The following GALNT18 variants were observed in gnomAD, a reference collection of about 807,000 sequenced individuals.
GALNT18 encodes polypeptide N-acetylgalactosaminyltransferase 18.
GALNT18 carries 44 observed loss-of-function variants against 69.5 expected under a neutral mutation model. The observed-to-expected ratio is 0.63, with a 90% CI of 0.50 to 0.81. The LOEUF is 0.81. Ranked by LOEUF, GALNT18 falls within the 40% of genes least tolerant of loss-of-function variation. The pLI, the probability that GALNT18 is intolerant of heterozygous loss-of-function variation, is 0.00. For synonymous variants in GALNT18, 364 were observed against 318.2 expected (o/e 1.14, Z -1.53); for missense variants, 715 against 810.0 (o/e 0.88, Z 1.42).
chr11:11,400,391 G>T (rs924640550), intron 3 of GALNT18, among the ~76,000 whole-genome samples: 1 of 152,202 alleles, frequency 6.6e-6, no homozygotes, highest in African/African-American at 2.4e-5. Flanking sequence ...TAGACAAAGT[G>T]TTCCTTCATA....
intron 6 of GALNT18, among the ~76,000 whole-genome samples, chr11:11,363,961 G>A (rs1183507033): frequency 1.3e-5 from 2 of 150,870 alleles, no homozygotes; most frequent in Non-Finnish European, 2.9e-5. Context: ...AAATTTACAA[G>A]TCAATAAGGA....
chr11:11,383,925 G>C lies in GALNT18; in HGVS notation c.596-4661C>G, dbSNP rs1386608808. Among the ~76,000 whole-genome samples, 5 of 152,000 alleles carry C rather than the reference G, an allele frequency of 3.3e-5. No individual in the cohort carries two copies. The highest frequency in any genetic ancestry group is 7.4e-5 in the Non-Finnish European group (5 of 68,026). ...CTTCTGCCATAATTGTAAGTTTCCT[G>C]AGGCCTCCGCAGCCATGTGGAACTG... On this transcript the variant is annotated intron_variant, in intron 3 of 10. Coordinates refer to ENST00000227756, the MANE Select transcript of GALNT18 (RefSeq NM_198516.3). The surrounding 1 kb of genome is among the most constrained non-coding windows in gnomAD (Gnocchi z 5.2).
rs936169388 is a variant in GALNT18 at position 11,444,544 on chromosome 11, G to A, written c.428+4200C>T. 9.2e-5 allele frequency among the ~76,000 whole-genome samples: 14 copies of A among 152,186 alleles called. No homozygotes were observed. The highest frequency in any genetic ancestry group is 2.1e-4 in the South Asian group (1 of 4,828). On this transcript the variant is annotated intron_variant, in intron 2 of 10. Transcript: ENST00000227756. This position sits in a 1 kb window ranked among gnomAD's most constrained non-coding sequence, Gnocchi z 4.4. ...ACGAGGCCTAGCAACTGGCTGGACC[G>A]ATGTTTTTCCTTCTAGTTGTGTCCT...
chr11:11,476,502 C>T (rs1487398615), intron 1 of GALNT18: 2 of 152,176 alleles, frequency 1.3e-5, no homozygotes, highest in Admixed American at 1.3e-4. Context: ...TTTCCTAGGA[C>T]TCTGGAGGTG....
chr11:11,568,811 T>C (rs933521388), intron 1 of GALNT18, among the ~76,000 whole-genome samples: 25 of 152,198 alleles, frequency 1.6e-4, no homozygotes, highest in African/African-American at 5.5e-4. Context: ...AAACCCAGCA[T>C]TGGTTTCCTT....
At chr11:11,578,206 GTGAGTCAGGAGA>G (rs1858973114) in intron 1 of GALNT18, among the ~76,000 whole-genome samples, 6 of 150,590 alleles carry the variant, frequency 4.0e-5, no homozygotes, top group Admixed American at 1.3e-4. Flanking sequence ...CAGGGAGGAG[GTGAGTCAGGAGA>G]ACCCCAGCAG....
intron 6 of GALNT18, among the ~76,000 whole-genome samples, chr11:11,362,966 T>C (rs1415940958): frequency 6.6e-6 from 1 of 152,208 alleles, no homozygotes; most frequent in African/African-American, 2.4e-5. Flanking sequence ...TTGAGTAGTA[T>C]GCAACCGTAA....
intron 1 of GALNT18, among the ~76,000 whole-genome samples, chr11:11,544,910 G>T (rs1858012159): frequency 6.6e-6 from 1 of 152,226 alleles, no homozygotes; most frequent in South Asian, 2.1e-4. Flanking sequence ...CACACGACTT[G>T]TAAGGGGCAC....
Position 11,444,455 on chromosome 11 carries a change from A to G in GALNT18, c.428+4289T>C, listed in dbSNP as rs1460204129. 6.6e-6 allele frequency among the ~76,000 whole-genome samples: 1 copy of G among 152,156 alleles called. No individual in the cohort carries two copies. The highest frequency in any genetic ancestry group is 1.5e-5 in the Non-Finnish European group (1 of 68,022). On this transcript the variant is annotated intron_variant, in intron 2 of 10. Transcript: ENST00000227756. This position sits in a 1 kb window ranked among gnomAD's most constrained non-coding sequence, Gnocchi z 4.4. ...GTAAACTCCAGGAGATATCCGTCCG[A>G]CGCTTTGTTGGGTGCCGGGCACATC... is the stretch of plus-strand genomic sequence containing the variant.
intron 1 of GALNT18, among the ~76,000 whole-genome samples, chr11:11,559,390 C>G (rs1341900146): frequency 6.6e-6 from 1 of 152,234 alleles, no homozygotes; most frequent in African/African-American, 2.4e-5. Flanking sequence ...CTGTCTGCTT[C>G]TTTCTCTTGT....
chr11:11,291,733 A>C (rs554392689), intron 10 of GALNT18, among the ~76,000 whole-genome samples: 16 of 152,206 alleles, frequency 1.1e-4, no homozygotes, highest in Admixed American at 1.0e-3. Context: ...TCCTGTGTTC[A>C]CAAAGCCCTG....
chr11:11,318,363 T>C lies in GALNT18; in HGVS notation c.1512+8723A>G, dbSNP rs1268939888. Among the ~76,000 whole-genome samples, 5 of 152,188 alleles carry C rather than the reference T, an allele frequency of 3.3e-5. No homozygotes were observed. Among genetic ancestry groups the C allele is most frequent in the African/African-American group, 9.7e-5 (4 of 41,444 alleles). On this transcript the variant is annotated intron_variant, in intron 9 of 10. Transcript: ENST00000227756. This position sits in a 1 kb window ranked among gnomAD's most constrained non-coding sequence, Gnocchi z 5.1. ...AGTAGAATGGACCCTTAATCCAACA[T>C]GAGTAGTGTCCTTATAAAAAGGGGC...
rs144161116 is a variant in GALNT18, at chr11:11,354,321, A to G, written c.1093-13317T>C. Among the ~76,000 whole-genome samples the G allele has an allele frequency of 6.8e-3, 1,031 of 152,334 alleles. 38 individuals carry two copies. Among genetic ancestry groups the G allele is most frequent in the Admixed American group, 0.061 (940 of 15,306 alleles). Reference sequence around the variant, plus strand: ...GGTGAGCAAACTAAGGTTCAGGGTCACAGGATAATTTAGAAGCACAGTAAG... The same window carrying G: ...GGTGAGCAAACTAAGGTTCAGGGTCGCAGGATAATTTAGAAGCACAGTAAG... On this transcript the variant is annotated intron_variant, in intron 6 of 10. Coordinates refer to ENST00000227756, the MANE Select transcript of GALNT18 (RefSeq NM_198516.3).
chr11:11,525,762 G>A (rs1187705616), intron 1 of GALNT18, among the ~76,000 whole-genome samples: 1 of 151,274 alleles, frequency 6.6e-6, no homozygotes, highest in Non-Finnish European at 1.5e-5. Flanking sequence ...AGCCTCCCGA[G>A]TAGCTGGGAT....
intron 10 of GALNT18, among the ~76,000 whole-genome samples, chr11:11,273,646 A>C (rs1441837083): frequency 1.3e-5 from 2 of 152,186 alleles, no homozygotes; most frequent in Non-Finnish European, 2.9e-5. Context: ...GTTCCTCAAA[A>C]AACTGAAAAT....
chr11:11,272,976 G>T (rs957691802), intron 10 of GALNT18, among the ~76,000 whole-genome samples: 4 of 151,352 alleles, frequency 2.6e-5, no homozygotes, highest in Non-Finnish European at 5.9e-5. Flanking sequence ...TAAATTGCCT[G>T]AGAAAATGCA....
rs1283078588 is a variant in GALNT18 at position 11,505,761 on chromosome 11, C to G, written c.236-56825G>C. Among the ~76,000 whole-genome samples, 3 of 152,230 alleles carry G rather than the reference C, an allele frequency of 2.0e-5. No individual in the cohort carries two copies. Among genetic ancestry groups the G allele is most frequent in the African/African-American group, 2.4e-5 (1 of 41,460 alleles). ...CCTGAATCCAGTGTACCTGCTCTCT[C>G]TCCTTCATTTGCATGCCTTCAAGTT... On this transcript the variant is annotated intron_variant, in intron 1 of 10. Transcript: ENST00000227756. The surrounding 1 kb of genome is among the most constrained non-coding windows in gnomAD (Gnocchi z 4.6).
At chr11:11,282,021 C>T (rs571479646) in intron 10 of GALNT18, among the ~76,000 whole-genome samples, 2 of 152,162 alleles carry the variant, frequency 1.3e-5, no homozygotes, top group South Asian at 2.1e-4. Context: ...GACAGAGGGA[C>T]CAGGCCACCC....
chr11:11,515,009 C>T (rs1046299301), intron 1 of GALNT18, among the ~76,000 whole-genome samples: 7 of 152,312 alleles, frequency 4.6e-5, no homozygotes, highest in Admixed American at 6.5e-5. Flanking sequence ...CTGTGCACTA[C>T]GCTTGTGTGG....
Sources: gnomAD v4.1 joint callset for allele counts (sites outside exome capture counted in the v4.1 genomes callset) on GRCh38, gnomAD v4.1.1 for gene constraint, Gnocchi (gnomAD v3.1) non-coding constraint, MANE v1.5 for transcripts, NCBI Gene and HGNC (gene_info 2026-07-23, HGNC 2026-07-21) for gene names.